The following SIM2 variants were observed in gnomAD, a reference collection of about 807,000 sequenced individuals.
SIM2 encodes single-minded homolog 2.
In SIM2, 28 loss-of-function variants were observed where a neutral mutation model predicts 64.8. The ratio of observed to expected loss-of-function variants is 0.43; its 90% CI spans 0.32 to 0.59. The LOEUF is 0.59. Among genes scored for constraint, SIM2 ranks in the 20% least tolerant of loss-of-function variants. The pLI is 0.07. For synonymous variants in SIM2, 408 were observed against 391.1 expected (o/e 1.04, Z -0.51); for missense variants, 847 against 871.4 (o/e 0.97, Z 0.35).
chr21:36,702,193 G>A (rs924268006), intron 1 of SIM2, among the ~76,000 whole-genome samples: 1 of 152,224 alleles, frequency 6.6e-6, no homozygotes, highest in Non-Finnish European at 1.5e-5. Context: ...TTGGGCGGGG[G>A]TGGTCCTTCT....
intron 3 of SIM2, among the ~76,000 whole-genome samples, chr21:36,717,936 A>G (rs902152864): frequency 2.4e-4 from 36 of 152,192 alleles, no homozygotes; most frequent in African/African-American, 8.4e-4. Context: ...TCTTAAATGA[A>G]ATCCTGTAAT....
At position 36,726,404 on chromosome 21, in the gene SIM2, C is replaced by A; in HGVS notation, c.743+86C>A. ...GGTCCCTGAAAGCTGCCATCTTGGC[C>A]AAATCATAACAAGGAATAAGTCATA... On this transcript the variant is annotated intron_variant, in intron 6 of 10. Transcript: ENST00000290399. This position sits in a 1 kb window ranked among gnomAD's most constrained non-coding sequence, Gnocchi z 4.5. 2 of 1,152,222 alleles carry A rather than the reference C, an allele frequency of 1.7e-6. No individual in the cohort carries two copies. The highest frequency in any genetic ancestry group is 2.5e-6 in the Non-Finnish European group (2 of 803,720). 71.4% of individuals were successfully genotyped at this position (1,152,222 alleles called of 1,614,324 possible). A position where few individuals can be genotyped will look rare whatever the true frequency, so the allele number is the denominator to read the frequency against.
chr21:36,723,682 G>A (rs2088853279), intron 5 of SIM2, among the ~76,000 whole-genome samples: 2 of 152,230 alleles, frequency 1.3e-5, no homozygotes, highest in South Asian at 4.1e-4. Flanking sequence ...TTCTAGTCAA[G>A]GACCAGAGGA....
chr21:36,735,545 C>G (rs1352950504), intron 7 of SIM2, among the ~76,000 whole-genome samples: 1 of 139,904 alleles, frequency 7.1e-6, no homozygotes, highest in Non-Finnish European at 1.5e-5. Context: ...AGCTCTGTCT[C>G]CACTCCTGGC....
At chr21:36,712,465 G>T in intron 2 of SIM2, 68 bp from the exon 3 acceptor site, 2 of 1,062,544 alleles carry the variant, frequency 1.9e-6, no homozygotes, top group Non-Finnish European at 2.9e-6. Flanking sequence ...CCCAGTGACT[G>T]TACCATTGTT....
intron 8 of SIM2, 137 bp downstream of exon 8, chr21:36,742,001 AT>A (rs56795144): frequency 0.044 from 32,704 of 745,870 alleles, 10 homozygotes; most frequent in South Asian, 0.055. Context: ...CTTTTTTTTA[AT>A]TTTTTTTTTT....
At chr21:36,731,409 G>A (rs2088967683) in intron 7 of SIM2, among the ~76,000 whole-genome samples, 1 of 152,146 alleles carries the variant, frequency 6.6e-6, no homozygotes, top group African/African-American at 2.4e-5. Flanking sequence ...ATTCTAGATT[G>A]TGGATGTGGA....
In SIM2 at chr21:36,704,062, G is replaced by C. The variant is rs75720515; in HGVS notation, c.175+4141G>C. On this transcript the variant is annotated intron_variant, in intron 1 of 10. Transcript: ENST00000290399. ...CCAAGATGGGTGTGGGTGAAAGAGG[G>C]AGAAAGAATTGCTACTCCAGAAACT... Among the ~76,000 whole-genome samples, 577 of 152,364 alleles carry C rather than the reference G, an allele frequency of 3.8e-3. 6 individuals carry two copies. The highest frequency in any genetic ancestry group is 0.013 in the African/African-American group (560 of 41,578).
intron 7 of SIM2, among the ~76,000 whole-genome samples, chr21:36,736,305 C>T (rs960757452): frequency 2.0e-5 from 3 of 152,054 alleles, no homozygotes; most frequent in East Asian, 1.9e-4. Context: ...TCTGGGGCCT[C>T]GCTTTCCCCA....
chr21:36,747,840 G>T lies in SIM2; in HGVS notation c.1752G>T (p.Pro584=), dbSNP rs1323360408. 5.8e-6 allele frequency: 6 copies of T among 1,036,096 alleles called. No individual in the cohort carries two copies. Among genetic ancestry groups the T allele is most frequent in the Non-Finnish European group, 7.0e-6 (6 of 863,238 alleles). The allele number at this position is 1,036,096 out of a possible 1,614,324, so 64.2% of individuals were successfully genotyped here. The change falls in exon 11 of 11, where the codon CCG becomes CCT. Residue 584 remains proline, a synonymous_variant. Transcript: ENST00000290399. The surrounding 1 kb of genome is among the most constrained non-coding windows in gnomAD (Gnocchi z 4.5). ...ARAAPECCAP[P]TPEAPGAPAQ... ...CGGCACCCGAGTGCTGCGCGCCCCC[G>T]ACCCCCGAGGCCCCGGGCGCGCCGG...
chr21:36,747,563 C>A lies in SIM2; in HGVS notation c.1577-102C>A. 2 of 760,170 alleles carry A rather than the reference C, an allele frequency of 2.6e-6. No homozygotes were observed. The highest frequency in any genetic ancestry group is 6.1e-5 in the East Asian group (1 of 16,340). 47.1% of individuals were successfully genotyped at this position (760,170 alleles called of 1,614,324 possible). A position where few individuals can be genotyped will look rare whatever the true frequency, so the allele number is the denominator to read the frequency against. On this transcript the variant is annotated intron_variant, in intron 10 of 10. Transcript: ENST00000290399. This position sits in a 1 kb window ranked among gnomAD's most constrained non-coding sequence, Gnocchi z 4.5. ...GGCGACAGCGACCCCGCGGGTGCAG[C>A]GCGTGGGCGGCCGAGGGGTGGTGGC...
At chr21:36,729,160 T>G (rs1410244703) in intron 6 of SIM2, among the ~76,000 whole-genome samples, 1 of 152,242 alleles carries the variant, frequency 6.6e-6, no homozygotes, top group Non-Finnish European at 1.5e-5. Context: ...ATTTACACGT[T>G]TGGGGCCGTT....
At chr21:36,715,039 T>C (rs2088728187) in intron 3 of SIM2, among the ~76,000 whole-genome samples, 1 of 152,242 alleles carries the variant, frequency 6.6e-6, no homozygotes, top group Non-Finnish European at 1.5e-5. Context: ...AAGTGATAGT[T>C]TCTAAAAAGA....
At chr21:36,709,558 T>G in intron 2 of SIM2, 5 of 509,328 alleles carry the variant, frequency 9.8e-6, no homozygotes, top group Non-Finnish European at 1.5e-5. Flanking sequence ...CCAATCTCAC[T>G]TCCCTCAGCA....
rs2123517904 is a variant in SIM2 at position 36,748,280 on chromosome 21, C to G, written c.*188C>G. The G allele has an allele frequency of 3.8e-6, 1 of 262,702 alleles. No individual in the cohort carries two copies. Among genetic ancestry groups the G allele is most frequent in the East Asian group, 8.0e-5 (1 of 12,512 alleles). 16.3% of individuals were successfully genotyped at this position (262,702 alleles called of 1,614,324 possible). On this transcript the variant is annotated 3_prime_UTR_variant, in exon 11 of 11. Coordinates refer to ENST00000290399, the MANE Select transcript of SIM2 (RefSeq NM_005069.6). ...CCGGTGCCGAGGGCCGAGGAGCGCC[C>G]GGGTCCGGGCAGGTGACCGCCCGCC... is the stretch of plus-strand genomic sequence containing the variant.
In SIM2 at chr21:36,741,685, G is replaced by A. The variant is rs368914973; in HGVS notation, c.851-32G>A. On this transcript the variant is annotated intron_variant, in intron 7 of 10. Coordinates refer to ENST00000290399, the MANE Select transcript of SIM2 (RefSeq NM_005069.6). ...ATCCCAGAGGTGGGGCCTGCGAAGC[G>A]TCTGAGGACTCCTGTCACCTTGTGC... 7.5e-5 allele frequency: 120 copies of A among 1,608,722 alleles called. 2 individuals are homozygous for A. Among genetic ancestry groups the A allele is most frequent in the Middle Eastern group, 2.1e-4 (1 of 4,832 alleles).
intron 7 of SIM2, among the ~76,000 whole-genome samples, chr21:36,739,992 G>GA (rs1568940030): frequency 6.0e-5 from 6 of 99,318 alleles, no homozygotes; most frequent in Admixed American, 2.1e-4. Context: ...AGAAAGAAGA[G>GA]AAGAAAGAAA....
In SIM2 at chr21:36,731,093, C is replaced by G. The variant is rs1601703030; in HGVS notation, c.792C>G (p.Thr264=). Residue 264 remains threonine (T), a synonymous_variant, in exon 7 of 11, where the codon ACC becomes ACG. Transcript: ENST00000290399. ...AGCCGCAGGACCTGATCGAGAAGAC[C>G]CTATACCATCACGTGCACGGCTGCG... ...GYEPQDLIEK[T]LYHHVHGCDV... 1 of 1,614,088 alleles carries G rather than the reference C, an allele frequency of 6.2e-7. No homozygotes were observed. Among genetic ancestry groups the G allele is most frequent in the Non-Finnish European group, 8.5e-7 (1 of 1,180,022 alleles).
At chr21:36,710,874 T>G (rs1223075650) in intron 2 of SIM2, among the ~76,000 whole-genome samples, 4 of 152,208 alleles carry the variant, frequency 2.6e-5, no homozygotes, top group Non-Finnish European at 4.4e-5. Context: ...CTCCTCCACT[T>G]CCAGCTCCGA....
Sources: gnomAD v4.1 joint callset for allele counts (sites outside exome capture counted in the v4.1 genomes callset) on GRCh38, gnomAD v4.1.1 for gene constraint, Gnocchi (gnomAD v3.1) non-coding constraint, MANE v1.5 for transcripts, NCBI Gene and HGNC (gene_info 2026-07-23, HGNC 2026-07-21) for gene names.